CACNA1C: variants seen among roughly 807,000 people sequenced by gnomAD.
CACNA1C encodes the protein voltage-dependent L-type calcium channel subunit alpha-1C.
A neutral mutation model predicts 229.0 loss-of-function variants in CACNA1C; 30 were observed. The observed-to-expected ratio is 0.13, with a 90% CI of 0.10 to 0.18. CACNA1C has a LOEUF of 0.18. CACNA1C is among the 10% of genes least tolerant of loss of function. The pLI, the probability that CACNA1C is intolerant of heterozygous loss-of-function variation, is 1.00. For missense variants in CACNA1C, 1,658 were observed against 2,845.0 expected, an observed-to-expected ratio of 0.58 and a Z score of 9.49; for synonymous variants, 1,114 against 1,132.5, an observed-to-expected ratio of 0.98 and a Z score of 0.33.
intron 1 of CACNA1C, among the ~76,000 whole-genome samples, chr12:2,087,531 G>A (rs1375159419): frequency 6.6e-6 from 1 of 152,188 alleles, no homozygotes; most frequent in Non-Finnish European, 1.5e-5. Flanking sequence ...TAGAAAAATT[G>A]CAAAGGTGGT....
chr12:2,043,410 A>G (rs2050485716), intron 1 of CACNA1C, among the ~76,000 whole-genome samples: 1 of 152,180 alleles, frequency 6.6e-6, no homozygotes, highest in African/African-American at 2.4e-5. Context: ...TCAGGGACTC[A>G]GGGTTGATGG....
intron 4 of CACNA1C, among the ~76,000 whole-genome samples, chr12:2,455,335 G>A (rs2099410975): frequency 6.7e-6 from 1 of 148,688 alleles, no homozygotes; most frequent in Non-Finnish European, 1.5e-5. Context: ...AATCTGCATT[G>A]CAATAATAAT....
rs117649060 is a variant in CACNA1C, at chr12:2,237,670, T to C, written c.477+117240T>C. On this transcript the variant is annotated intron_variant, in intron 3 of 46. Transcript: ENST00000399655. The stretch of plus-strand genomic sequence containing the variant: ...GAAGGATGGGCCTTTCTGCTCCCTA[T>C]GATGTTGCCTTAAAAAGACATTTCC... 6.2e-4 allele frequency among the ~76,000 whole-genome samples: 94 copies of C among 152,254 alleles called. No individual in the cohort carries two copies. In the East Asian group the frequency reaches 0.017, roughly 27 times the overall value.
intron 3 of CACNA1C, among the ~76,000 whole-genome samples, chr12:2,157,087 G>A (rs2095590348): frequency 6.6e-6 from 1 of 152,144 alleles, no homozygotes; most frequent in Admixed American, 6.6e-5. Context: ...GGTTAAAATG[G>A]GGCTAAGAAC....
At chr12:2,414,827 AG>A (rs1178794848) in intron 3 of CACNA1C, among the ~76,000 whole-genome samples, 1 of 152,216 alleles carries the variant, frequency 6.6e-6, no homozygotes, top group East Asian at 1.9e-4. Flanking sequence ...GAGGGCAGTC[AG>A]GTGTCTGCCG....
intron 3 of CACNA1C, among the ~76,000 whole-genome samples, chr12:2,250,894 G>A (rs186713398): frequency 6.6e-6 from 1 of 152,242 alleles, no homozygotes. Context: ...TCCCTAACCA[G>A]CCCAGGCTGG....
chr12:2,668,898 CCAT>C, intron 37 of CACNA1C, 32 bp from the exon 38 acceptor site: 1 of 1,442,492 alleles, frequency 6.9e-7, no homozygotes, highest in Non-Finnish European at 9.8e-7. Flanking sequence ...GCACCGCCTG[CCAT>C]CATCACCAGC....
At chr12:2,327,448 G>A (rs3819527) in intron 3 of CACNA1C, among the ~76,000 whole-genome samples, 22,477 of 152,128 alleles carry the variant, frequency 0.15, 2,301 homozygotes, top group African/African-American at 0.29. Context: ...CATTGGTAGC[G>A]TCAGGAATTC....
chr12:2,611,935 C>T lies in CACNA1C; in HGVS notation c.3750C>T (p.Ala1250=). ...HYGQSCLFKI[A]MNILNMLFTG... is the part of the protein sequence containing the mutation. ...GCCAGAGCTGCCTGTTCAAAATCGC[C>T]ATGAACATCCTCAACATGCTCTTCA... is the stretch of plus-strand genomic sequence containing the variant. Residue 1250 remains alanine, a synonymous_variant, in exon 29 of 47, where the codon GCC becomes GCT. Coordinates refer to ENST00000399655, the MANE Select transcript of CACNA1C (RefSeq NM_000719.7). 1 of 1,613,556 alleles carries T rather than the reference C, an allele frequency of 6.2e-7. No homozygotes were observed. The highest frequency in any genetic ancestry group is 1.1e-5 in the South Asian group (1 of 91,058).
chr12:2,436,366 G>C (rs2099134858), intron 3 of CACNA1C, among the ~76,000 whole-genome samples: 1 of 152,120 alleles, frequency 6.6e-6, no homozygotes, highest in Admixed American at 6.5e-5. Flanking sequence ...GCTGTTGAAG[G>C]GGCCTCTTCT....
chr12:2,191,497 C>A (rs1227159832), intron 3 of CACNA1C, among the ~76,000 whole-genome samples: 2 of 152,146 alleles, frequency 1.3e-5, no homozygotes, highest in Non-Finnish European at 2.9e-5. Context: ...GGGCCTGATG[C>A]TTTTTCTTTA....
At chr12:2,680,593 C>T in intron 42 of CACNA1C, 6 of 1,545,094 alleles carry the variant, frequency 3.9e-6, no homozygotes, top group South Asian at 3.6e-5. Flanking sequence ...ACATGCTCGC[C>T]CTCCAGCTCA....
chr12:2,102,372 G>A (rs1175125987), intron 1 of CACNA1C, among the ~76,000 whole-genome samples: 1 of 152,112 alleles, frequency 6.6e-6, no homozygotes, highest in Non-Finnish European at 1.5e-5. Flanking sequence ...AATAAGAGAA[G>A]GACCCAAGTA....
intron 3 of CACNA1C, among the ~76,000 whole-genome samples, chr12:2,356,702 G>T (rs1164936684): frequency 6.6e-6 from 1 of 152,240 alleles, no homozygotes; most frequent in Non-Finnish European, 1.5e-5. Flanking sequence ...CTGTGGGCTT[G>T]CCCTCCTCTG....
chr12:2,558,119 G>A (rs2045485596), intron 11 of CACNA1C, among the ~76,000 whole-genome samples: 2 of 152,210 alleles, frequency 1.3e-5, no homozygotes, highest in South Asian at 2.1e-4. Flanking sequence ...AAGGTAAAGT[G>A]ATTTGTCTCT....
chr12:2,651,282 C>T lies in CACNA1C; in HGVS notation c.3946-358C>T. 1 of 353,956 alleles carries T rather than the reference C, an allele frequency of 2.8e-6. No homozygotes were observed. The highest frequency in any genetic ancestry group is 5.2e-6 in the Non-Finnish European group (1 of 194,058). 21.9% of individuals were successfully genotyped at this position (353,956 alleles called of 1,614,324 possible). A position where few individuals can be genotyped will look rare whatever the true frequency, so the allele number is the denominator to read the frequency against. On this transcript the variant is annotated intron_variant, in intron 31 of 46. Coordinates refer to ENST00000399655, the MANE Select transcript of CACNA1C (RefSeq NM_000719.7). The surrounding 1 kb of genome is among the most constrained non-coding windows in gnomAD (Gnocchi z 5.4). The stretch of plus-strand genomic sequence containing the variant: ...CTCAGCAGTGCAGAGGAGGGGTTCC[C>T]AGGGCAGCTGGCTCTGGGCCTAGAA...
At chr12:2,232,844 C>T (rs1445719952) in intron 3 of CACNA1C, among the ~76,000 whole-genome samples, 3 of 152,114 alleles carry the variant, frequency 2.0e-5, no homozygotes, top group Non-Finnish European at 4.4e-5. Flanking sequence ...TCCACTACTA[C>T]TGTTAATTTA....
In CACNA1C at chr12:2,575,312, C is replaced by T. The variant is rs2058004327; in HGVS notation, c.1896-6278C>T. Among the ~76,000 whole-genome samples, 2 of 152,120 alleles carry T rather than the reference C, an allele frequency of 1.3e-5. 1 individual carries two copies. Among genetic ancestry groups the T allele is most frequent in the South Asian group, 4.2e-4 (2 of 4,814 alleles). ...TTGAGGCCTTGGGGCCCAGGTTGTC[C>T]CAGACCAAAATACTCTAGAATTCTG... On this transcript the variant is annotated intron_variant, in intron 13 of 46. Coordinates refer to ENST00000399655, the MANE Select transcript of CACNA1C (RefSeq NM_000719.7). This position sits in a 1 kb window ranked among gnomAD's most constrained non-coding sequence, Gnocchi z 4.0.
chr12:2,618,877 A>T (rs1363703470), intron 29 of CACNA1C, among the ~76,000 whole-genome samples: 2 of 152,198 alleles, frequency 1.3e-5, no homozygotes, highest in African/African-American at 4.8e-5. Context: ...TTCGGCAGCA[A>T]TGACATTGCT....
Sources: gnomAD v4.1 joint callset for allele counts (sites outside exome capture counted in the v4.1 genomes callset) on GRCh38, gnomAD v4.1.1 for gene constraint, Gnocchi (gnomAD v3.1) non-coding constraint, MANE v1.5 for transcripts, NCBI Gene and HGNC (gene_info 2026-07-23, HGNC 2026-07-21) for gene names.